NUMBL: variants seen among roughly 807,000 people sequenced by gnomAD.
NUMBL encodes the protein NUMB like endocytic adaptor protein.
Under a neutral mutation model 48.9 loss-of-function variants are expected in NUMBL, and 20 were observed. The observed-to-expected ratio is 0.41, with a 90% CI of 0.29 to 0.59. The LOEUF is 0.59. Ranked by LOEUF, NUMBL falls within the 20% of genes least tolerant of loss-of-function variation. The pLI is 0.31. For missense variants in NUMBL, 660 were observed against 846.2 expected, an observed-to-expected ratio of 0.78 and a Z score of 2.73; for synonymous variants, 340 against 348.7, an observed-to-expected ratio of 0.98 and a Z score of 0.28.
At chr19:40,670,193 G>A (rs969331493) in intron 8 of NUMBL, among the ~76,000 whole-genome samples, 173 bp from the exon 9 acceptor site, 1 of 152,208 alleles carries the variant, frequency 6.6e-6, no homozygotes, top group Non-Finnish European at 1.5e-5. Flanking sequence ...TCACATCTGA[G>A]CGGCAGAACG....
rs565589972 is a variant in NUMBL at position 40,681,719 on chromosome 19, C to A, written c.400-662G>T. On this transcript the variant is annotated intron_variant, in intron 5 of 9. Transcript: ENST00000252891. ...AAGGAGTCTTGCTCTGTCACCCAGGCTAGAGTGCAGTGGCATGATCTTGGC... is the reference window on the plus strand; with the variant it reads ...AAGGAGTCTTGCTCTGTCACCCAGGATAGAGTGCAGTGGCATGATCTTGGC... 1.7e-4 allele frequency among the ~76,000 whole-genome samples: 26 copies of A among 152,178 alleles called. No individual in the cohort carries two copies. In the East Asian group the frequency reaches 5.0e-3, roughly 29 times the overall value.
Position 40,677,266 on chromosome 19 carries a change from C to T in NUMBL, c.696G>A (p.Arg232=). ...TGTCCGGGGCCTCTCGCTCAGCAGG[C>T]CGCCCACCCCCAGACAGGCGGAAGG... ...EGSFRLSGGG[R]PAEREAPDKK... Residue 232 remains arginine, a synonymous_variant, in exon 7 of 10, where the codon CGG becomes CGA. Transcript: ENST00000252891. 1.9e-6 allele frequency: 3 copies of T among 1,588,708 alleles called. No homozygotes were observed. Among genetic ancestry groups the T allele is most frequent in the South Asian group, 1.1e-5 (1 of 88,132 alleles).
chr19:40,681,135 C>T, intron 5 of NUMBL, 78 bp from the exon 6 acceptor site: 1 of 1,517,736 alleles, frequency 6.6e-7, no homozygotes, highest in East Asian at 2.3e-5. Context: ...TCTGTGTCTG[C>T]TGAAATCCAG....
chr19:40,677,679 A>C (rs1163043381), intron 6 of NUMBL, among the ~76,000 whole-genome samples: 1 of 152,128 alleles, frequency 6.6e-6, no homozygotes, highest in Non-Finnish European at 1.5e-5. Flanking sequence ...CTATGGTTCT[A>C]TGGTGAAAAA....
At chr19:40,680,543 G>C (rs923923166) in intron 6 of NUMBL, among the ~76,000 whole-genome samples, 1 of 151,966 alleles carries the variant, frequency 6.6e-6, no homozygotes, top group Non-Finnish European at 1.5e-5. Flanking sequence ...CCACCTCCCG[G>C]GCTCAAGTGA....
chr19:40,684,513 C>A lies in NUMBL; in HGVS notation c.153G>T (p.Arg51=). The part of the protein sequence containing the change: ...TMNKLRQSLR[R]RKPAYVPEAS... The stretch of plus-strand genomic sequence containing the variant: ...CCTCGGGCACGTAGGCTGGCTTCCT[C>A]CGCCGCAGGCTCTGCCGTAACTTGT... Residue 51 remains arginine (R), a synonymous_variant, in exon 3 of 10, where the codon CGG becomes CGT. Coordinates refer to ENST00000252891, the MANE Select transcript of NUMBL (RefSeq NM_004756.5). 1.2e-6 allele frequency: 2 copies of A among 1,606,408 alleles called. No individual in the cohort carries two copies. The highest frequency in any genetic ancestry group is 1.3e-5 in the African/African-American group (1 of 74,962).
chr19:40,683,691 C>T (rs370874973), intron 3 of NUMBL, among the ~76,000 whole-genome samples: 2 of 152,216 alleles, frequency 1.3e-5, no homozygotes, highest in Non-Finnish European at 2.9e-5. Flanking sequence ...TAAACCAGAA[C>T]GTCCTTATCG....
chr19:40,686,397 G>A (rs1255050520), intron 2 of NUMBL, among the ~76,000 whole-genome samples: 3 of 151,766 alleles, frequency 2.0e-5, no homozygotes, highest in Non-Finnish European at 4.4e-5. Context: ...CCTGACCTCA[G>A]GTGATCCTCC....
chr19:40,689,075 A>G (rs950070451), intron 1 of NUMBL, among the ~76,000 whole-genome samples: 2 of 152,206 alleles, frequency 1.3e-5, no homozygotes, highest in Admixed American at 1.3e-4. Context: ...AGACACAACT[A>G]TAAACATTGT....
chr19:40,675,821 ACT>A (rs1028795286), intron 7 of NUMBL, among the ~76,000 whole-genome samples: 2 of 151,354 alleles, frequency 1.3e-5, no homozygotes, highest in African/African-American at 4.9e-5. Flanking sequence ...CATTCAATAT[ACT>A]CTGATATTTT....
At chr19:40,669,690 T>C (rs1479500451) in intron 9 of NUMBL, among the ~76,000 whole-genome samples, 2 of 152,030 alleles carry the variant, frequency 1.3e-5, no homozygotes, top group Non-Finnish European at 2.9e-5. Context: ...AGATGATCCA[T>C]GGTTCTAAAG....
chr19:40,669,698 A>T (rs1427044971), intron 9 of NUMBL, among the ~76,000 whole-genome samples, 200 bp downstream of exon 9: 1 of 152,060 alleles, frequency 6.6e-6, no homozygotes, highest in Non-Finnish European at 1.5e-5. Flanking sequence ...CATGGTTCTA[A>T]AGTAATCGCA....
chr19:40,673,327 C>T lies in NUMBL; in HGVS notation c.1036+17G>A. 1.3e-6 allele frequency: 2 copies of T among 1,589,916 alleles called. No individual in the cohort carries two copies. Among genetic ancestry groups the T allele is most frequent in the Non-Finnish European group, 1.7e-6 (2 of 1,165,322 alleles). On this transcript the variant is annotated intron_variant, in intron 8 of 9. Transcript: ENST00000252891. This position sits in a 1 kb window ranked among gnomAD's most constrained non-coding sequence, Gnocchi z 5.9. Reference sequence around the variant, plus strand: ...CAATTGATTCCAACGCCGTTTCCCACTGGGCCCAGGGCTCACCTGTGCCCT... The same window carrying T: ...CAATTGATTCCAACGCCGTTTCCCATTGGGCCCAGGGCTCACCTGTGCCCT...
intron 6 of NUMBL, among the ~76,000 whole-genome samples, chr19:40,679,814 G>GT (rs1458698044): frequency 1.1e-4 from 17 of 152,118 alleles, no homozygotes; most frequent in African/African-American, 3.6e-4. Context: ...GGGGGCTGGG[G>GT]TAGTGGGGAG....
rs780562993 is a variant in NUMBL at position 40,673,335 on chromosome 19, A to AGGGCTCACCTGTGCCCT, written c.1028_1036+8dup. 6.2e-7 allele frequency: 1 copy of AGGGCTCACCTGTGCCCT among 1,602,158 alleles called. No homozygotes were observed. The highest frequency in any genetic ancestry group is 2.2e-5 in the East Asian group (1 of 44,646). ...TCCAACGCCGTTTCCCACTGGGCCC[A>AGGGCTCACCTGTGCCCT]GGGCTCACCTGTGCCCTTCACCTGG... On this transcript the variant is annotated intron_variant, in intron 8 of 9. Coordinates refer to ENST00000252891, the MANE Select transcript of NUMBL (RefSeq NM_004756.5). The surrounding 1 kb of genome is among the most constrained non-coding windows in gnomAD (Gnocchi z 5.9).
In NUMBL at chr19:40,670,025, G is replaced by A. The variant is rs2081838663; in HGVS notation, c.1037-5C>T. 1 of 1,613,180 alleles carries A rather than the reference G, an allele frequency of 6.2e-7. No homozygotes were observed. The highest frequency in any genetic ancestry group is 1.3e-5 in the African/African-American group (1 of 74,890). Reference sequence around the variant, plus strand: ...CAGGAGGCTCCATCTCAGGCACTGGGAAGCAGGGCAGGACAGAGGTCAGCA... The same window carrying A: ...CAGGAGGCTCCATCTCAGGCACTGGAAAGCAGGGCAGGACAGAGGTCAGCA... On this transcript the variant is annotated splice_polypyrimidine_tract_variant and splice_region_variant and intron_variant, in intron 8 of 9. Coordinates refer to ENST00000252891, the MANE Select transcript of NUMBL (RefSeq NM_004756.5).
chr19:40,683,260 G>A (rs1295075844), intron 3 of NUMBL, among the ~76,000 whole-genome samples: 2 of 152,154 alleles, frequency 1.3e-5, no homozygotes, highest in Admixed American at 1.3e-4. Flanking sequence ...CTCTGTGCGT[G>A]AGGACTGGCC....
At chr19:40,683,286 C>T (rs1485610521) in intron 3 of NUMBL, among the ~76,000 whole-genome samples, 5 of 152,182 alleles carry the variant, frequency 3.3e-5, no homozygotes, top group African/African-American at 1.2e-4. Context: ...CCATGCAAAG[C>T]TGCTTTGCCT....
At chr19:40,685,416 G>A (rs1287238315) in intron 2 of NUMBL, 1 of 153,938 alleles carries the variant, frequency 6.5e-6, no homozygotes, top group Non-Finnish European at 1.5e-5. Flanking sequence ...GTTTCTGAAG[G>A]CTGTCTGGAA....
Sources: gnomAD v4.1 joint callset for allele counts (sites outside exome capture counted in the v4.1 genomes callset) on GRCh38, gnomAD v4.1.1 for gene constraint, Gnocchi (gnomAD v3.1) non-coding constraint, MANE v1.5 for transcripts, NCBI Gene and HGNC (gene_info 2026-07-23, HGNC 2026-07-21) for gene names.